The following NFE2L2 variants were observed in gnomAD, a reference collection of about 807,000 sequenced individuals.
The protein encoded by NFE2L2 is NFE2 like bZIP transcription factor 2.
Under a neutral mutation model 49.6 loss-of-function variants are expected in NFE2L2, and 20 were observed. The observed-to-expected ratio is 0.40, with a 90% CI of 0.28 to 0.59. The LOEUF (loss-of-function observed/expected upper bound fraction) is 0.59. Among genes scored for constraint, NFE2L2 ranks in the 20% least tolerant of loss-of-function variants. NFE2L2 has a pLI of 0.40. For missense variants in NFE2L2, 578 were observed against 714.2 expected, an observed-to-expected ratio of 0.81 and a Z score of 2.17; for synonymous variants, 244 against 256.5, an observed-to-expected ratio of 0.95 and a Z score of 0.47.
At chr2:177,249,624 A>C (rs1690262383) in intron 1 of NFE2L2, among the ~76,000 whole-genome samples, 1 of 152,250 alleles carries the variant, frequency 6.6e-6, no homozygotes. Context: ...CAAAAAAATA[A>C]ACAAGTGAAT....
chr2:177,260,767 CAA>C (rs1190224918), intron 1 of NFE2L2, among the ~76,000 whole-genome samples: 5 of 150,742 alleles, frequency 3.3e-5, no homozygotes, highest in Non-Finnish European at 7.4e-5. Flanking sequence ...CAAACAAAGG[CAA>C]AGACTCCAGT....
chr2:177,261,321 C>A (rs565912831), intron 1 of NFE2L2, among the ~76,000 whole-genome samples: 1 of 152,172 alleles, frequency 6.6e-6, no homozygotes. Flanking sequence ...CACCTCCCCA[C>A]GTCACATACA....
chr2:177,260,131 C>T (rs1247612194), intron 1 of NFE2L2, among the ~76,000 whole-genome samples: 1 of 152,130 alleles, frequency 6.6e-6, no homozygotes, highest in South Asian at 2.1e-4. Context: ...TTCAATAGCT[C>T]CTAGAAATTA....
intron 1 of NFE2L2, among the ~76,000 whole-genome samples, chr2:177,239,796 C>A (rs1689881569): frequency 6.6e-6 from 1 of 152,122 alleles, no homozygotes; most frequent in South Asian, 2.1e-4. Context: ...TTCCCAAAAA[C>A]AGACATCTTG....
chr2:177,264,266 C>T, intron 1 of NFE2L2: 1 of 410,922 alleles, frequency 2.4e-6, no homozygotes, highest in Non-Finnish European at 4.3e-6. Flanking sequence ...AAGGCCCACG[C>T]GAGCGGGCTC....
Position 177,235,436 on chromosome 2 carries a change from C to CATAA in NFE2L2, c.46-1169_46-1166dup, listed in dbSNP as rs1218483618. On this transcript the variant is annotated intron_variant, in intron 1 of 4. Transcript: ENST00000397062. ...CGGGCAACAAAGTGAGACCCTGTCT[C>CATAA]ATAAATAAATAAATAAATAAATAAA... Among the ~76,000 whole-genome samples, 389 of 151,724 alleles carry CATAA rather than the reference C, an allele frequency of 2.6e-3. 1 individual carries two copies. The highest frequency in any genetic ancestry group is 0.016 in the East Asian group (84 of 5,134).
chr2:177,230,617 TACTG>T lies in NFE2L2; in HGVS notation c.*164_*167del. 7 of 695,452 alleles carry T rather than the reference TACTG, an allele frequency of 1.0e-5. No individual in the cohort carries two copies. The South Asian group carries it at 1.7e-4, about 17-fold the overall frequency. The allele number at this position is 695,452 out of a possible 1,614,324, so 43.1% of individuals were successfully genotyped here. A position where few individuals can be genotyped will look rare whatever the true frequency, so the allele number is the denominator to read the frequency against. On this transcript the variant is annotated 3_prime_UTR_variant, in exon 5 of 5. Transcript: ENST00000397062. ...TTAAAGTGAAACTACTGATTCAACA[TACTG>T]ACACTCCAATGCTTTTTAAAGTTTC... is the stretch of plus-strand genomic sequence containing the variant.
intron 1 of NFE2L2, among the ~76,000 whole-genome samples, chr2:177,260,725 A>G (rs1690700754): frequency 6.6e-6 from 1 of 152,250 alleles, no homozygotes; most frequent in Admixed American, 6.5e-5. Flanking sequence ...AAAAGAGCCA[A>G]TGGAACAGAA....
rs117962208 is a variant in NFE2L2 at position 177,245,555 on chromosome 2, G to T, written c.46-11284C>A. Among the ~76,000 whole-genome samples the T allele has an allele frequency of 2.3e-3, 349 of 152,042 alleles. 15 individuals carry two copies. In the East Asian group the frequency reaches 0.062, roughly 27 times the overall value. ...TCATGGTTTACAGGAGTGTTCATGG[G>T]TGCTATCTCATTTGAGCCTCACTAC... On this transcript the variant is annotated intron_variant, in intron 1 of 4. Transcript: ENST00000397062.
In NFE2L2 at chr2:177,264,496, G is replaced by A. The variant is rs1487311940; in HGVS notation, c.45+36C>T. On this transcript the variant is annotated intron_variant, in intron 1 of 4. Coordinates refer to ENST00000397062, the MANE Select transcript of NFE2L2 (RefSeq NM_006164.5). ...TCCCTAGCTCCCCCGCCCCCGTCCCGGCACCACCGCAGGGCCCAGAGGGCC... is the reference window on the plus strand; with the variant it reads ...TCCCTAGCTCCCCCGCCCCCGTCCCAGCACCACCGCAGGGCCCAGAGGGCC... The A allele has an allele frequency of 2.0e-6, 3 of 1,516,626 alleles. No homozygotes were observed. The Admixed American group carries it at 6.3e-5, about 32-fold the overall frequency. 93.9% of individuals were successfully genotyped at this position (1,516,626 alleles called of 1,614,324 possible).
chr2:177,264,417 G>T, intron 1 of NFE2L2, 115 bp downstream of exon 1: 1 of 1,148,128 alleles, frequency 8.7e-7, no homozygotes, highest in Non-Finnish European at 1.2e-6. Flanking sequence ...CGCGGTCCTG[G>T]CTCTGGCCAG....
At chr2:177,264,457 TC>T in intron 1 of NFE2L2, 74 bp downstream of exon 1, 1 of 1,458,084 alleles carries the variant, frequency 6.9e-7, no homozygotes, top group Non-Finnish European at 9.2e-7. Context: ...CGGCTGTCCC[TC>T]CCGGGCCGCG....
chr2:177,264,700 C>G lies in NFE2L2; in HGVS notation c.-124G>C. Reference sequence around the variant, plus strand: ...GGCGGTGGCGGCTGCGTCGGCGGCTCCTCCGGGCTCCCCGGCACTCGGTAA... The same window carrying G: ...GGCGGTGGCGGCTGCGTCGGCGGCTGCTCCGGGCTCCCCGGCACTCGGTAA... On this transcript the variant is annotated 5_prime_UTR_variant, in exon 1 of 5. Transcript: ENST00000397062. The G allele has an allele frequency of 2.4e-6, 2 of 836,048 alleles. No homozygotes were observed. The highest frequency in any genetic ancestry group is 3.3e-6 in the Non-Finnish European group (2 of 608,560). 51.8% of individuals were successfully genotyped at this position (836,048 alleles called of 1,614,324 possible).
rs2105451843 is a variant in NFE2L2, at chr2:177,231,213, G to A, written c.1390C>T (p.Leu464Phe). The change falls in exon 5 of 5, where the codon CTC becomes TTC. Residue 464 changes from leucine (L) to phenylalanine (F), a missense_variant. Physicochemically the swap from Leu to Phe is conservative, Grantham distance 22. Coordinates refer to ENST00000397062, the MANE Select transcript of NFE2L2 (RefSeq NM_006164.5). Reference sequence around the variant, plus strand: ...TTTTCTACAGGGAATGGGATATGGAGAGCTTTTGCCCTAAGTTCATCTCTT... The same window carrying A: ...TTTTCTACAGGGAATGGGATATGGAAAGCTTTTGCCCTAAGTTCATCTCTT... ...LTRDELRAKA[L>F]HIPFPVEKII... 6.2e-7 allele frequency: 1 copy of A among 1,614,208 alleles called. No individual in the cohort carries two copies. Among genetic ancestry groups the A allele is most frequent in the East Asian group, 2.2e-5 (1 of 44,886 alleles).
intron 1 of NFE2L2, among the ~76,000 whole-genome samples, chr2:177,244,504 G>GT (rs1166628590): frequency 1.3e-5 from 2 of 152,136 alleles, no homozygotes; most frequent in Non-Finnish European, 2.9e-5. Flanking sequence ...TGAGAAGCAA[G>GT]TAGAAGCCCA....
In NFE2L2 at chr2:177,264,691, T is replaced by G. The variant is rs914757782; in HGVS notation, c.-115A>C. 227 of 987,234 alleles carry G rather than the reference T, an allele frequency of 2.3e-4. No individual in the cohort carries two copies. In the African/African-American group the frequency reaches 3.2e-3, roughly 14 times the overall value. The allele number at this position is 987,234 out of a possible 1,614,324, so 61.2% of individuals were successfully genotyped here. On this transcript the variant is annotated 5_prime_UTR_variant, in exon 1 of 5. Coordinates refer to ENST00000397062, the MANE Select transcript of NFE2L2 (RefSeq NM_006164.5). ...GGCGGCGGCGGCGGTGGCGGCTGCG[T>G]CGGCGGCTCCTCCGGGCTCCCCGGC... is the stretch of plus-strand genomic sequence containing the variant.
Position 177,264,627 on chromosome 2 carries a change from G to T in NFE2L2, c.-51C>A. 7.1e-7 allele frequency: 1 copy of T among 1,399,200 alleles called. No individual in the cohort carries two copies. Among genetic ancestry groups the T allele is most frequent in the South Asian group, 1.6e-5 (1 of 63,034 alleles). 86.7% of individuals were successfully genotyped at this position (1,399,200 alleles called of 1,614,324 possible). ...GCTCCCCGACGGCGGCCCTGTTCCG[G>T]CTGCCGAGGCGCGGCGCGGACAGGG... On this transcript the variant is annotated 5_prime_UTR_variant, in exon 1 of 5. Transcript: ENST00000397062.
Position 177,230,898 on chromosome 2 carries a change from G to C in NFE2L2, c.1705C>G (p.Arg569Gly). The change falls in exon 5 of 5, where the codon CGT becomes GGT. Residue 569 changes from arginine (R) to glycine (G), a missense_variant. Arg to Gly is a moderately radical substitution (Grantham distance 125). Transcript: ENST00000397062. ...TLYLEVFSML[R>G]DEDGKPYSPS... ...GAATAAGGTTTTCCATCTTCATCAC[G>C]TAGCATGCTGAAAACTTCGAGATAT... 1 of 1,614,012 alleles carries C rather than the reference G, an allele frequency of 6.2e-7. No individual in the cohort carries two copies. The highest frequency in any genetic ancestry group is 8.5e-7 in the Non-Finnish European group (1 of 1,180,000).
chr2:177,256,095 C>T (rs1000674106), intron 1 of NFE2L2: 1 of 154,644 alleles, frequency 6.5e-6, no homozygotes, highest in African/African-American at 2.4e-5. Context: ...CTAGACACAA[C>T]AGCAAGGCTC....
Sources: gnomAD v4.1 joint callset for allele counts (sites outside exome capture counted in the v4.1 genomes callset) on GRCh38, gnomAD v4.1.1 for gene constraint, MANE v1.5 for transcripts, NCBI Gene and HGNC (gene_info 2026-07-23, HGNC 2026-07-21) for gene names.